ATP8B4: variants seen among roughly 807,000 people sequenced by gnomAD.
ATP8B4 encodes probable phospholipid-transporting ATPase IM.
A neutral mutation model predicts 145.6 loss-of-function variants in ATP8B4; 133 were observed. The ratio of observed to expected loss-of-function variants is 0.91; its 90% CI spans 0.79 to 1.05. The LOEUF (loss-of-function observed/expected upper bound fraction) is 1.05. ATP8B4 is among the 50% of genes least tolerant of loss of function. The probability of loss-of-function intolerance (pLI) is 0.00; values close to 1 mark genes in which losing one functional copy is unlikely to be tolerated. For synonymous variants in ATP8B4, 507 were observed against 492.9 expected, an observed-to-expected ratio of 1.03 and a Z score of -0.38; for missense variants, 1,458 against 1,425.2, an observed-to-expected ratio of 1.02 and a Z score of -0.37.
chr15:50,087,087 TTATA>T (rs1355791304), intron 2 of ATP8B4, among the ~76,000 whole-genome samples: 3 of 104,532 alleles, frequency 2.9e-5, no homozygotes, highest in Non-Finnish European at 5.1e-5. Context: ...GAGATCTATA[TTATA>T]TATAATAAAT....
chr15:49,898,837 G>T (rs2037711927), intron 21 of ATP8B4, among the ~76,000 whole-genome samples: 2 of 152,128 alleles, frequency 1.3e-5, no homozygotes, highest in Non-Finnish European at 1.5e-5. Flanking sequence ...CACAGACAGG[G>T]TTCCTCAACC....
At chr15:50,019,347 T>C (rs1754608968) in intron 6 of ATP8B4, among the ~76,000 whole-genome samples, 1 of 152,184 alleles carries the variant, frequency 6.6e-6, no homozygotes, top group Admixed American at 6.5e-5. Flanking sequence ...TGCTATGACC[T>C]ACCAAAACCG....
chr15:50,169,314 T>C (rs965659502), intron 1 of ATP8B4, among the ~76,000 whole-genome samples: 1 of 152,196 alleles, frequency 6.6e-6, no homozygotes, highest in Non-Finnish European at 1.5e-5. Context: ...CAGGTGCTGG[T>C]ATTCACGGCT....
chr15:50,081,599 A>G (rs2054561554), intron 2 of ATP8B4, among the ~76,000 whole-genome samples: 1 of 152,236 alleles, frequency 6.6e-6, no homozygotes, highest in African/African-American at 2.4e-5. Context: ...AGGCAAAAGA[A>G]AACAGGCCAT....
chr15:49,916,881 T>TTCCC (rs931185269), intron 20 of ATP8B4, 53 bp downstream of exon 20: 11 of 1,518,714 alleles, frequency 7.2e-6, no homozygotes, highest in Non-Finnish European at 1.0e-5. Context: ...CTGATCTTTT[T>TTCCC]TCCCTCCCTC....
At chr15:50,098,917 A>T (rs1229786575) in intron 2 of ATP8B4, among the ~76,000 whole-genome samples, 2 of 152,184 alleles carry the variant, frequency 1.3e-5, no homozygotes, top group Admixed American at 6.5e-5. Context: ...CATAATAATG[A>T]ATCTAACCTG....
intron 6 of ATP8B4, among the ~76,000 whole-genome samples, chr15:50,025,736 T>G (rs1259401375): frequency 6.6e-6 from 1 of 152,220 alleles, no homozygotes; most frequent in Non-Finnish European, 1.5e-5. Context: ...TATTATCTAC[T>G]TCCCTGACCA....
chr15:49,923,210 C>T (rs994726835), intron 17 of ATP8B4, among the ~76,000 whole-genome samples, 169 bp downstream of exon 17: 1 of 152,188 alleles, frequency 6.6e-6, no homozygotes, highest in African/African-American at 2.4e-5. Flanking sequence ...GGGGGTGGTC[C>T]TTGTGCCAAT....
chr15:49,950,375 G>C (rs1414171565), intron 14 of ATP8B4, among the ~76,000 whole-genome samples: 1 of 151,772 alleles, frequency 6.6e-6, no homozygotes, highest in Non-Finnish European at 1.5e-5. Context: ...ACTTCTTCCT[G>C]GTTTAGTCTT....
intron 1 of ATP8B4, among the ~76,000 whole-genome samples, chr15:50,114,835 T>G (rs1193212280): frequency 6.6e-6 from 1 of 152,190 alleles, no homozygotes; most frequent in African/African-American, 2.4e-5. Flanking sequence ...TTTTTTTAAC[T>G]CTCCACATGG....
upstream of ATP8B4, among the ~76,000 whole-genome samples, chr15:50,123,111 T>C (rs2057284165): frequency 6.6e-6 from 1 of 152,140 alleles, no homozygotes; most frequent in South Asian, 2.1e-4. Flanking sequence ...AGAATCCAAA[T>C]GCGACTACAT....
chr15:50,021,036 T>G (rs150092294), intron 6 of ATP8B4, among the ~76,000 whole-genome samples: 86 of 152,262 alleles, frequency 5.6e-4, no homozygotes, highest in African/African-American at 2.0e-3. Flanking sequence ...GCTGCAGCTA[T>G]GTAATACATA....
At chr15:49,860,499 G>A (rs1295700951) in intron 27 of ATP8B4, 24 bp from the exon 28 acceptor site, 5 of 1,574,056 alleles carry the variant, frequency 3.2e-6, no homozygotes, top group Non-Finnish European at 4.3e-6. Flanking sequence ...GACCCAAAGT[G>A]AGATGATGCA....
At chr15:50,020,078 C>T (rs1203102331) in intron 6 of ATP8B4, among the ~76,000 whole-genome samples, 1 of 152,050 alleles carries the variant, frequency 6.6e-6, no homozygotes, top group African/African-American at 2.4e-5. Context: ...CCTCAGCCTC[C>T]TGAGTAGCTG....
chr15:50,158,054 G>C (rs1353183560), intron 1 of ATP8B4, among the ~76,000 whole-genome samples: 17 of 152,234 alleles, frequency 1.1e-4, no homozygotes, highest in Non-Finnish European at 2.5e-4. Flanking sequence ...CGTTCACTCA[G>C]TGCTCAGTGG....
At chr15:50,105,976 G>C (rs1474518174) in intron 2 of ATP8B4, among the ~76,000 whole-genome samples, 1 of 152,152 alleles carries the variant, frequency 6.6e-6, no homozygotes, top group East Asian at 1.9e-4. Flanking sequence ...TTAGCATTGG[G>C]AATATGAATA....
chr15:49,994,837 G>C (rs891131684), intron 9 of ATP8B4, among the ~76,000 whole-genome samples: 2 of 152,112 alleles, frequency 1.3e-5, no homozygotes, highest in Non-Finnish European at 2.9e-5. Flanking sequence ...ATTCATACTT[G>C]TTATTTCCTA....
chr15:50,144,035 T>C (rs1214118114), intron 1 of ATP8B4, among the ~76,000 whole-genome samples: 2 of 152,120 alleles, frequency 1.3e-5, no homozygotes, highest in African/African-American at 4.8e-5. Context: ...CAATAGACTG[T>C]TTTCATGGTG....
At chr15:49,898,039 C>T in intron 22 of ATP8B4, 29 bp downstream of exon 22, 1 of 1,611,888 alleles carries the variant, frequency 6.2e-7, no homozygotes, top group Non-Finnish European at 8.5e-7. Context: ...ATGTATGCAG[C>T]ATACCCCATT....
Sources: allele counts gnomAD v4.1 joint callset (sites outside exome capture counted in the v4.1 genomes callset), GRCh38; gene constraint gnomAD v4.1.1; transcripts MANE v1.5; gene names NCBI Gene and HGNC (gene_info 2026-07-23, HGNC 2026-07-21).